Variants in DCP1A observed in about 807,000 individuals in gnomAD.
DCP1A encodes the protein decapping mRNA 1A.
In DCP1A, 20 loss-of-function variants were observed where a neutral mutation model predicts 58.0. The ratio of observed to expected loss-of-function variants is 0.34; its 90% confidence interval spans 0.24 to 0.50. DCP1A has a LOEUF of 0.50. Ranked by LOEUF, DCP1A falls within the 20% of genes least tolerant of loss-of-function variation. DCP1A has a pLI of 0.98. For synonymous variants in DCP1A, 285 were observed against 275.1 expected, an observed-to-expected ratio of 1.04 and a Z score of -0.36; for missense variants, 613 against 712.2, an observed-to-expected ratio of 0.86 and a Z score of 1.59.
rs192052719 is a variant in DCP1A at position 53,320,640 on chromosome 3, T to C, written c.305-1167A>G. 1.1e-4 allele frequency among the ~76,000 whole-genome samples: 17 copies of C among 152,304 alleles called. No individual in the cohort carries two copies. The East Asian group carries it at 2.9e-3, about 26-fold the overall frequency. On this transcript the variant is annotated intron_variant, in intron 3 of 9. Coordinates refer to ENST00000610213, the MANE Select transcript of DCP1A (RefSeq NM_018403.7). ...ACAGATCTTGGTGCCCTATAAATTGTTTCCTCCAATGGTAACATTTTACAA... is the reference window on the plus strand; with the variant it reads ...ACAGATCTTGGTGCCCTATAAATTGCTTCCTCCAATGGTAACATTTTACAA...
At chr3:53,306,322 T>C (rs1707470406) in intron 5 of DCP1A, among the ~76,000 whole-genome samples, 1 of 152,182 alleles carries the variant, frequency 6.6e-6, no homozygotes, top group Non-Finnish European at 1.5e-5. Flanking sequence ...CTATCAACCA[T>C]ATCAACCCCA....
In DCP1A at chr3:53,315,754, TTTG is replaced by T. The variant is rs1204351618; in HGVS notation, c.372-3378_372-3376del. On this transcript the variant is annotated intron_variant, in intron 4 of 9. Transcript: ENST00000610213. Reference sequence around the variant, plus strand: ...GTAAATCAGTTTGTTGTTTTTTTTTTTTGTTTTTTTTTTTTTTGAGACGGAGTC... The same window carrying T: ...GTAAATCAGTTTGTTGTTTTTTTTTTTTTTTTTTTTTTTTGAGACGGAGTC... Among the ~76,000 whole-genome samples, 35 of 108,348 alleles carry T rather than the reference TTTG, an allele frequency of 3.2e-4. 6 individuals carry two copies. The highest frequency in any genetic ancestry group is 8.0e-4 in the African/African-American group (20 of 25,152). The allele number at this position is 108,348 out of a possible 152,430, so 71.1% of individuals were successfully genotyped here.
rs997043878 is a variant in DCP1A, at chr3:53,338,777, C to T, written c.304+3367G>A. On this transcript the variant is annotated intron_variant, in intron 3 of 9. Transcript: ENST00000610213. ...TCGGGAGGCTGAGGCAGGAGAATGG[C>T]GTGAACCTGGGAGGCAGAGCTTGCA... Among the ~76,000 whole-genome samples the T allele has an allele frequency of 6.0e-5, 9 of 149,396 alleles. No individual in the cohort carries two copies. In the East Asian group the frequency reaches 1.2e-3, roughly 20 times the overall value.
At chr3:53,308,350 A>G (rs556305533) in intron 5 of DCP1A, among the ~76,000 whole-genome samples, 1 of 152,288 alleles carries the variant, frequency 6.6e-6, no homozygotes, top group East Asian at 1.9e-4. Context: ...GCTGGAGTGC[A>G]GTGGCAGAAT....
intron 2 of DCP1A, among the ~76,000 whole-genome samples, chr3:53,342,947 T>C (rs964460096): frequency 6.6e-6 from 1 of 152,232 alleles, no homozygotes; most frequent in East Asian, 1.9e-4. Flanking sequence ...ATTACAATAA[T>C]GTTTTTCTTG....
intron 8 of DCP1A, chr3:53,290,540 G>C (rs1313059838): frequency 1.6e-6 from 1 of 608,322 alleles, no homozygotes; most frequent in African/African-American, 1.9e-5. Flanking sequence ...TCTAAGATGT[G>C]CTGGGCTCCA....
intron 5 of DCP1A, among the ~76,000 whole-genome samples, chr3:53,308,761 T>G (rs1384876874): frequency 2.6e-5 from 4 of 151,768 alleles, no homozygotes; most frequent in African/African-American, 9.7e-5. Context: ...GCCTAACTAA[T>G]TAAAAAAAAA....
At chr3:53,329,827 G>A (rs2088953491) in intron 3 of DCP1A, among the ~76,000 whole-genome samples, 1 of 152,126 alleles carries the variant, frequency 6.6e-6, no homozygotes, top group Non-Finnish European at 1.5e-5. Context: ...GTTACATGAA[G>A]GAAACATGAA....
intron 4 of DCP1A, among the ~76,000 whole-genome samples, chr3:53,319,177 T>C (rs901270570): frequency 1.3e-5 from 2 of 152,152 alleles, no homozygotes; most frequent in Non-Finnish European, 2.9e-5. Flanking sequence ...ATCTACTTAA[T>C]ATATACACAA....
intron 4 of DCP1A, among the ~76,000 whole-genome samples, chr3:53,317,981 A>G (rs2106847782): frequency 6.6e-6 from 1 of 152,350 alleles, no homozygotes; most frequent in African/African-American, 2.4e-5. Context: ...TTCTGGGTTA[A>G]TTACTTATAT....
intron 4 of DCP1A, among the ~76,000 whole-genome samples, chr3:53,315,754 T>TG (rs1231927412): frequency 9.2e-6 from 1 of 108,300 alleles, no homozygotes; most frequent in Non-Finnish European, 1.8e-5. Flanking sequence ...GTTTTTTTTT[T>TG]TTGTTTTTTT....
rs1553684755 is a variant in DCP1A at position 53,283,862 on chromosome 3, A to G, written c.*3718T>C. On this transcript the variant is annotated 3_prime_UTR_variant, in exon 10 of 10. Transcript: ENST00000610213. ...TTTAAATGAAGGTGTCAAATACAAA[A>G]CGGAGGGAATCACTGCACACATCTG... 1 of 152,240 alleles carries G rather than the reference A, an allele frequency of 6.6e-6. No individual in the cohort carries two copies. The highest frequency in any genetic ancestry group is 2.4e-5 in the African/African-American group (1 of 41,472). 9.4% of individuals were successfully genotyped at this position (152,240 alleles called of 1,614,324 possible).
chr3:53,307,816 T>C (rs1309340826), intron 5 of DCP1A, among the ~76,000 whole-genome samples: 2 of 152,230 alleles, frequency 1.3e-5, no homozygotes, highest in Admixed American at 6.5e-5. Flanking sequence ...ATGAGGATTT[T>C]ACAAGGATTT....
At position 53,292,428 on chromosome 3, in the gene DCP1A, T is replaced by C. The variant is rs782692637; in HGVS notation, c.1024A>G (p.Met342Val). The change falls in exon 7 of 10, where the codon ATG becomes GTG. Residue 342 changes from methionine to valine, a missense_variant. Coordinates refer to ENST00000610213, the MANE Select transcript of DCP1A (RefSeq NM_018403.7). The part of the protein sequence containing the change: ...PPSLPRNSTM[M>V]QAVKTTPRQR... ...CTAGGCGTGGTCTTCACTGCCTGCA[T>C]CATGGTGCTGTTTCGAGGTAAGCTG... 6 of 1,613,876 alleles carry C rather than the reference T, an allele frequency of 3.7e-6. No homozygotes were observed. Among genetic ancestry groups the C allele is most frequent in the Non-Finnish European group, 5.1e-6 (6 of 1,179,894 alleles).
At chr3:53,319,525 G>A in intron 3 of DCP1A, 52 bp from the exon 4 acceptor site, 1 of 1,123,344 alleles carries the variant, frequency 8.9e-7, no homozygotes, top group Non-Finnish European at 1.3e-6. Flanking sequence ...TTCAACATTT[G>A]GGTGTATGTA....
At chr3:53,336,165 A>G (rs6804517) in intron 3 of DCP1A, among the ~76,000 whole-genome samples, 121,451 of 151,976 alleles carry the variant, frequency 0.8, 49,263 homozygotes, top group African/African-American at 0.92. Flanking sequence ...GTGCAGTGGC[A>G]TGATCTTGGC....
rs1475465449 is a variant in DCP1A at position 53,286,121 on chromosome 3, T to C, written c.*1459A>G. The C allele has an allele frequency of 6.6e-6, 1 of 152,230 alleles. No individual in the cohort carries two copies. The highest frequency in any genetic ancestry group is 1.5e-5 in the Non-Finnish European group (1 of 68,044). 9.4% of individuals were successfully genotyped at this position (152,230 alleles called of 1,614,324 possible). On this transcript the variant is annotated 3_prime_UTR_variant, in exon 10 of 10. Coordinates refer to ENST00000610213, the MANE Select transcript of DCP1A (RefSeq NM_018403.7). ...AGTATGTAATTCACAAGTAATTTTC[T>C]AAAATTTTAGCTAGAAAAAAATAAT...
At chr3:53,323,150 T>C (rs1410640797) in intron 3 of DCP1A, among the ~76,000 whole-genome samples, 2 of 152,170 alleles carry the variant, frequency 1.3e-5, no homozygotes, top group Non-Finnish European at 2.9e-5. Context: ...GAATCCATTT[T>C]CACAGTGCCT....
intron 3 of DCP1A, among the ~76,000 whole-genome samples, chr3:53,331,683 T>G (rs1470476338): frequency 6.6e-6 from 1 of 152,226 alleles, no homozygotes; most frequent in South Asian, 2.1e-4. Context: ...TTATTATTGA[T>G]TCACATGCCG....
Sources: gnomAD v4.1 joint callset for allele counts (sites outside exome capture counted in the v4.1 genomes callset) on GRCh38, gnomAD v4.1.1 for gene constraint, MANE v1.5 for transcripts, NCBI Gene and HGNC (gene_info 2026-07-23, HGNC 2026-07-21) for gene names.